MPRIP: variants seen among roughly 807,000 people sequenced by gnomAD.
MPRIP encodes the protein myosin phosphatase Rho-interacting protein.
A neutral mutation model predicts 234.9 loss-of-function variants in MPRIP; 59 were observed. The observed-to-expected ratio is 0.25, with a 90% confidence interval of 0.20 to 0.31. The LOEUF (loss-of-function observed/expected upper bound fraction) is 0.31, where lower values mean the gene tolerates loss of function less well. Ranked by LOEUF, MPRIP falls within the 10% of genes least tolerant of loss-of-function variation. The pLI is 1.00. For synonymous variants in MPRIP, 1,144 were observed against 1,263.9 expected (o/e 0.91, Z 2.01); for missense variants, 2,436 against 3,071.0 (o/e 0.79, Z 4.89).
intron 1 of MPRIP, among the ~76,000 whole-genome samples, chr17:17,052,677 C>T (rs2088577892): frequency 6.6e-6 from 1 of 152,166 alleles, no homozygotes; most frequent in Non-Finnish European, 1.5e-5. Context: ...GTGAACGGTG[C>T]AGGCTGTTGT....
intron 22 of MPRIP, among the ~76,000 whole-genome samples, chr17:17,179,275 C>T (rs1331575153): frequency 2.6e-5 from 4 of 151,950 alleles, no homozygotes; most frequent in African/African-American, 9.7e-5. Context: ...TGTGAAACCC[C>T]GTCTCTACTA....
At chr17:17,140,841 C>A (rs11078375) in intron 7 of MPRIP, among the ~76,000 whole-genome samples, 12,423 of 152,218 alleles carry the variant, frequency 0.082, 713 homozygotes, top group East Asian at 0.18. Context: ...GTAGCCCTAA[C>A]CCCCCTGCCC....
intron 3 of MPRIP, among the ~76,000 whole-genome samples, chr17:17,094,531 T>C (rs1343596887): frequency 6.6e-6 from 1 of 152,136 alleles, no homozygotes; most frequent in African/African-American, 2.4e-5. Context: ...GTGTGGGAAG[T>C]TCTGACCTTC....
At chr17:17,112,571 G>C (rs533815460) in intron 3 of MPRIP, among the ~76,000 whole-genome samples, 5 of 152,038 alleles carry the variant, frequency 3.3e-5, no homozygotes, top group East Asian at 3.9e-4. Flanking sequence ...GGCTCCTGCC[G>C]TCTGCTCCTG....
intron 3 of MPRIP, among the ~76,000 whole-genome samples, chr17:17,120,341 G>A (rs1371438572): frequency 2.6e-5 from 4 of 152,136 alleles, no homozygotes; most frequent in African/African-American, 9.7e-5. Context: ...GTGTGGTGGA[G>A]AGTCCCCGGT....
At chr17:17,072,004 C>T (rs1372084207) in intron 1 of MPRIP, among the ~76,000 whole-genome samples, 1 of 152,202 alleles carries the variant, frequency 6.6e-6, no homozygotes, top group Non-Finnish European at 1.5e-5. Context: ...CTGCCTGCTG[C>T]CTTTTGGGCT....
At chr17:17,091,240 G>A (rs1567708532) in intron 3 of MPRIP, among the ~76,000 whole-genome samples, 1 of 152,124 alleles carries the variant, frequency 6.6e-6, no homozygotes, top group Non-Finnish European at 1.5e-5. Context: ...CGTTCTAGCT[G>A]TATCTGAAGG....
chr17:17,090,091 G>T (rs1332406109), intron 3 of MPRIP, among the ~76,000 whole-genome samples: 1 of 152,206 alleles, frequency 6.6e-6, no homozygotes, highest in East Asian at 1.9e-4. Context: ...TCTTGTTGGT[G>T]AGACTGGTTT....
At chr17:17,126,258 C>T (rs548996683) in intron 3 of MPRIP, among the ~76,000 whole-genome samples, 5 of 152,326 alleles carry the variant, frequency 3.3e-5, no homozygotes, top group East Asian at 3.9e-4. Flanking sequence ...ACAGTGCACC[C>T]ACCCCACAGC....
chr17:17,084,063 T>C (rs2089528575), intron 3 of MPRIP, among the ~76,000 whole-genome samples: 1 of 152,222 alleles, frequency 6.6e-6, no homozygotes. Flanking sequence ...TGACTTTGTT[T>C]CCTCTAGCTC....
intron 17 of MPRIP, 25 bp downstream of exon 17, chr17:17,171,890 G>T (rs764094079): frequency 6.3e-7 from 1 of 1,595,848 alleles, no homozygotes; most frequent in Admixed American, 1.8e-5. Flanking sequence ...TAACCCTGAG[G>T]GCAGGGTGGG....
In MPRIP at chr17:17,142,665, T is replaced by C. The variant is rs1262606538; in HGVS notation, c.1289T>C (p.Ile430Thr). Reference protein sequence around the residue: ...QVIEKFEALDIEKAEHMETNA... With the variant: ...QVIEKFEALDTEKAEHMETNA... ...ATTGAAAAGTTTGAGGCCTTGGACATTGAGAAGGCAGAGCACATGGAGACC... is the reference window on the plus strand; with the variant it reads ...ATTGAAAAGTTTGAGGCCTTGGACACTGAGAAGGCAGAGCACATGGAGACC... The change falls in exon 8 of 24, where the codon ATT becomes ACT. Residue 430 changes from isoleucine to threonine, a missense_variant. By Grantham distance (89) the Ile-to-Thr change is moderately conservative. Transcript: ENST00000651222. The C allele has an allele frequency of 5.0e-6, 8 of 1,611,892 alleles. No homozygotes were observed. The highest frequency in any genetic ancestry group is 3.3e-5 in the Admixed American group (2 of 59,994).
chr17:17,093,676 T>G (rs2089773159), intron 3 of MPRIP, among the ~76,000 whole-genome samples: 1 of 152,224 alleles, frequency 6.6e-6, no homozygotes, highest in South Asian at 2.1e-4. Context: ...AAGTCAGATA[T>G]GTAACCACAA....
Position 17,164,337 on chromosome 17 carries a change from A to G in MPRIP, c.2746A>G (p.Lys916Glu). ...LSNAAAELAI[K>E]EQALAKLKGD... is the part of the protein sequence containing the mutation. ...CAATGCGGCCGCTGAGCTAGCCATC[A>G]AGGAGCAGGCGCTGGCCAAGCTCAA... Residue 916 changes from lysine to glutamate, a missense_variant, in exon 16 of 24, where the codon AAG (lysine) becomes GAG (glutamate). Around this residue, in one of 4 missense-constraint regions of MPRIP, gnomAD observed 1,998 missense variants for 2,520.3 expected, o/e 0.79. Coordinates refer to ENST00000651222, the MANE Select transcript of MPRIP (RefSeq NM_001364716.4). 7.7e-7 allele frequency: 1 copy of G among 1,302,760 alleles called. No individual in the cohort carries two copies. Among genetic ancestry groups the G allele is most frequent in the Non-Finnish European group, 1.0e-6 (1 of 988,938 alleles). 80.7% of individuals were successfully genotyped at this position (1,302,760 alleles called of 1,614,324 possible).
At chr17:17,155,524 A>G (rs911263964) in intron 13 of MPRIP, among the ~76,000 whole-genome samples, 2 of 152,224 alleles carry the variant, frequency 1.3e-5, no homozygotes, top group African/African-American at 2.4e-5. Flanking sequence ...AATTGCAGGC[A>G]TGAGCCACCA....
chr17:17,166,414 C>T lies in MPRIP; in HGVS notation c.4823C>T (p.Ala1608Val). Residue 1608 changes from alanine (A) to valine (V), a missense_variant, in exon 16 of 24, where the codon GCT (alanine) becomes GTT (valine). This residue lies in a region of MPRIP where 1,998 missense variants were observed against 2,520.3 expected (regional missense o/e 0.79). Coordinates refer to ENST00000651222, the MANE Select transcript of MPRIP (RefSeq NM_001364716.4). This position sits in a 1 kb window ranked among gnomAD's most constrained non-coding sequence, Gnocchi z 4.4. ...TCAGGACAGCCACCGATGGAATCTG[C>T]TGGGGCCCCCGTAGACACCTGGGCC... is the stretch of plus-strand genomic sequence containing the variant. The part of the protein sequence containing the change: ...SWSGQPPMES[A>V]GAPVDTWARK... 7.7e-7 allele frequency: 1 copy of T among 1,304,454 alleles called. No homozygotes were observed. The highest frequency in any genetic ancestry group is 1.2e-5 in the South Asian group (1 of 81,038). 80.8% of individuals were successfully genotyped at this position (1,304,454 alleles called of 1,614,324 possible). A position where few individuals can be genotyped will look rare whatever the true frequency, so the allele number is the denominator to read the frequency against.
Position 17,058,907 on chromosome 17 carries a change from G to A in MPRIP, c.123+15936G>A, listed in dbSNP as rs1389372560. Among the ~76,000 whole-genome samples the A allele has an allele frequency of 3.3e-5, 5 of 152,142 alleles. No individual in the cohort carries two copies. In the South Asian group the frequency reaches 6.2e-4, roughly 19 times the overall value. On this transcript the variant is annotated intron_variant, in intron 1 of 23. Coordinates refer to ENST00000651222, the MANE Select transcript of MPRIP (RefSeq NM_001364716.4). ...CTGCTCCCCAAGCAAAGGTGCAGAA[G>A]GGGTGGGGACGTGCTAGGGGAGTGG...
At chr17:17,061,634 C>T (rs768046089) in intron 1 of MPRIP, among the ~76,000 whole-genome samples, 3 of 152,208 alleles carry the variant, frequency 2.0e-5, no homozygotes, top group Non-Finnish European at 2.9e-5. Flanking sequence ...GGCATCAGCC[C>T]CTACAGGTGT....
At chr17:17,087,689 G>C (rs949389853) in intron 3 of MPRIP, among the ~76,000 whole-genome samples, 1 of 152,238 alleles carries the variant, frequency 6.6e-6, no homozygotes, top group Non-Finnish European at 1.5e-5. Flanking sequence ...GACGGTGAGC[G>C]CCTCTAGGCA....
Sources: gnomAD v4.1 joint callset for allele counts (sites outside exome capture counted in the v4.1 genomes callset) on GRCh38, gnomAD v4.1.1 for gene constraint, gnomAD v4.1.1 regional missense constraint, Gnocchi (gnomAD v3.1) non-coding constraint, MANE v1.5 for transcripts, NCBI Gene and HGNC (gene_info 2026-07-23, HGNC 2026-07-21) for gene names.